RAPGEF5: variants seen among roughly 807,000 people sequenced by gnomAD.
The protein encoded by RAPGEF5 is M-Ras-regulated GEF.
RAPGEF5 carries 65 observed loss-of-function variants against 125.2 expected under a neutral mutation model. That is an observed-to-expected ratio of 0.52 (90% confidence interval 0.43 to 0.64). The LOEUF is 0.64. Ranked by LOEUF, RAPGEF5 falls within the 30% of genes least tolerant of loss-of-function variation. The pLI is 0.00. For missense variants in RAPGEF5, 958 were observed against 1,048.1 expected (o/e 0.91, Z 1.19); for synonymous variants, 391 against 385.9 (o/e 1.01, Z -0.16).
chr7:22,315,365 G>C lies in RAPGEF5; in HGVS notation c.389+5C>G. On this transcript the variant is annotated splice_donor_5th_base_variant and intron_variant, in intron 3 of 25. Transcript: ENST00000665637. The stretch of plus-strand genomic sequence containing the variant: ...TTCTGACAAGGTGTTAGAAAACTGT[G>C]TTACCTGTAAAACCCCTTGAGGTTC... 6.5e-7 allele frequency: 1 copy of C among 1,539,524 alleles called. No homozygotes were observed. The highest frequency in any genetic ancestry group is 8.8e-7 in the Non-Finnish European group (1 of 1,141,640).
intron 1 of RAPGEF5, among the ~76,000 whole-genome samples, chr7:22,347,364 T>A (rs964544210): frequency 2.6e-5 from 4 of 152,212 alleles, no homozygotes; most frequent in Non-Finnish European, 5.9e-5. Context: ...TGATTTACTA[T>A]GATATTTCTA....
chr7:22,335,968 C>T (rs148724237), intron 1 of RAPGEF5, among the ~76,000 whole-genome samples: 86 of 152,306 alleles, frequency 5.6e-4, no homozygotes, highest in African/African-American at 1.8e-3. Flanking sequence ...CTCTCAACAC[C>T]AGAAACCTAT....
chr7:22,274,716 A>C (rs1782517109), intron 6 of RAPGEF5, among the ~76,000 whole-genome samples: 1 of 152,170 alleles, frequency 6.6e-6, no homozygotes. Context: ...CAAGCCAGGA[A>C]ATAAGGTATC....
At chr7:22,354,828 G>T (rs1784392525) in intron 1 of RAPGEF5, among the ~76,000 whole-genome samples, 1 of 152,164 alleles carries the variant, frequency 6.6e-6, no homozygotes, top group Non-Finnish European at 1.5e-5. Flanking sequence ...TTGATCTCAG[G>T]CTTCCCAGCA....
intron 6 of RAPGEF5, among the ~76,000 whole-genome samples, chr7:22,275,484 A>G (rs1213682423): frequency 6.6e-6 from 1 of 152,204 alleles, no homozygotes; most frequent in Non-Finnish European, 1.5e-5. Context: ...ACCAATGGAG[A>G]GAAGTTGCAA....
chr7:22,134,340 G>A (rs940979697), intron 23 of RAPGEF5, among the ~76,000 whole-genome samples: 20 of 152,166 alleles, frequency 1.3e-4, no homozygotes, highest in Non-Finnish European at 2.4e-4. Context: ...ATTCAAGGAA[G>A]CTTCTAATAA....
chr7:22,284,333 C>G (rs1782747280), intron 6 of RAPGEF5, among the ~76,000 whole-genome samples: 1 of 152,150 alleles, frequency 6.6e-6, no homozygotes, highest in Admixed American at 6.5e-5. Context: ...GTCCATAGCC[C>G]AAGGCCCATT....
At chr7:22,313,770 A>T (rs552585415) in intron 3 of RAPGEF5, among the ~76,000 whole-genome samples, 17 of 152,386 alleles carry the variant, frequency 1.1e-4, no homozygotes, top group African/African-American at 4.1e-4. Flanking sequence ...AGACTTACAC[A>T]TATAAATTTA....
At chr7:22,194,827 T>C in intron 9 of RAPGEF5, 1 of 934,882 alleles carries the variant, frequency 1.1e-6, no homozygotes, top group Non-Finnish European at 1.3e-6. Flanking sequence ...CTGACGTGGC[T>C]CTGTCACAGA....
intron 1 of RAPGEF5, among the ~76,000 whole-genome samples, chr7:22,322,053 T>A (rs1354488066): frequency 6.6e-6 from 1 of 152,168 alleles, no homozygotes; most frequent in Non-Finnish European, 1.5e-5. Flanking sequence ...TATGATAACA[T>A]GCTGCACATT....
chr7:22,135,169 C>T (rs777967081), intron 23 of RAPGEF5, among the ~76,000 whole-genome samples: 1 of 152,196 alleles, frequency 6.6e-6, no homozygotes, highest in African/African-American at 2.4e-5. Context: ...CAGCTCATTT[C>T]TAGAATCATG....
Position 22,193,974 on chromosome 7 carries a change from C to G in RAPGEF5, c.1056G>C (p.Leu352=). The G allele has an allele frequency of 6.2e-7, 1 of 1,613,958 alleles. No homozygotes were observed. The highest frequency in any genetic ancestry group is 8.5e-7 in the Non-Finnish European group (1 of 1,179,870). The part of the protein sequence containing the change: ...VKEQDQSVLV[L]KKVQCCGPAP... The stretch of plus-strand genomic sequence containing the variant: ...CTGGGCCACAGCACTGCACTTTCTT[C>G]AGCACCAGGACGCTCTGGTCTTGCT... The change falls in exon 10 of 26, where the codon CTG becomes CTC. Residue 352 remains leucine, a synonymous_variant. Coordinates refer to ENST00000665637, the MANE Select transcript of RAPGEF5 (RefSeq NM_012294.5).
At chr7:22,308,607 A>G (rs992153945) in intron 4 of RAPGEF5, 100 bp from the exon 5 acceptor site, 1 of 990,160 alleles carries the variant, frequency 1.0e-6, no homozygotes, top group African/African-American at 1.7e-5. Flanking sequence ...ATTGGGAGCA[A>G]TCAGGGTTAA....
At chr7:22,193,270 C>A (rs1785052228) in intron 11 of RAPGEF5, 97 bp downstream of exon 11, 7 of 1,339,958 alleles carry the variant, frequency 5.2e-6, no homozygotes, top group Non-Finnish European at 7.1e-6. Context: ...TTCTCCCCAC[C>A]CCGGTTTCAG....
At chr7:22,285,572 CTCCAATATATCAAA>C (rs987809797) in intron 6 of RAPGEF5, among the ~76,000 whole-genome samples, 1 of 152,174 alleles carries the variant, frequency 6.6e-6, no homozygotes, top group African/African-American at 2.4e-5. Flanking sequence ...AGATGAATTT[CTCCAATATATCAAA>C]TCCAAATTGT....
At chr7:22,266,589 G>T (rs1353617265) in intron 7 of RAPGEF5, among the ~76,000 whole-genome samples, 2 of 151,958 alleles carry the variant, frequency 1.3e-5, no homozygotes, top group Non-Finnish European at 2.9e-5. Flanking sequence ...TTATAAAAAA[G>T]ACCACCTCTA....
rs548635776 is a variant in RAPGEF5 at position 22,146,795 on chromosome 7, C to T, written c.2007+102G>A. The T allele has an allele frequency of 1.5e-3, 2,076 of 1,359,990 alleles. 5 individuals carry two copies. Among genetic ancestry groups the T allele is most frequent in the Non-Finnish European group, 1.7e-3 (1,772 of 1,020,958 alleles). The allele number at this position is 1,359,990 out of a possible 1,614,324, so 84.2% of individuals were successfully genotyped here. The stretch of plus-strand genomic sequence containing the variant: ...AAGTCCCCAAATATCTTTTGGACCA[C>T]GTTATTCTAGCATAATTTCATCACC... On this transcript the variant is annotated intron_variant, in intron 19 of 25. Coordinates refer to ENST00000665637, the MANE Select transcript of RAPGEF5 (RefSeq NM_012294.5).
rs1371235943 is a variant in RAPGEF5, at chr7:22,197,831, C to T, written c.997-3798G>A. Reference sequence around the variant, plus strand: ...TTTATAAACAAAAGATGAATGAATGCATTTGCATTTTAAAGTGGAGGTTTA... The same window carrying T: ...TTTATAAACAAAAGATGAATGAATGTATTTGCATTTTAAAGTGGAGGTTTA... On this transcript the variant is annotated intron_variant, in intron 9 of 25. Transcript: ENST00000665637. 1.2e-4 allele frequency among the ~76,000 whole-genome samples: 18 copies of T among 148,878 alleles called. No homozygotes were observed. In the Admixed American group the frequency reaches 1.2e-3, roughly 10 times the overall value.
intron 7 of RAPGEF5, among the ~76,000 whole-genome samples, chr7:22,254,441 T>A (rs1053341287): frequency 2.0e-5 from 3 of 151,014 alleles, no homozygotes; most frequent in African/African-American, 7.3e-5. Flanking sequence ...AAACCCCGTC[T>A]CTACTGAAAA....
Sources: gnomAD v4.1 joint callset for allele counts (sites outside exome capture counted in the v4.1 genomes callset) on GRCh38, gnomAD v4.1.1 for gene constraint, MANE v1.5 for transcripts, NCBI Gene and HGNC (gene_info 2026-07-23, HGNC 2026-07-21) for gene names.